The following IQSEC1 variants were observed in gnomAD, a reference collection of about 807,000 sequenced individuals.
IQSEC1 encodes the protein IQ motif and Sec7 domain ArfGEF 1.
Under a neutral mutation model 91.0 loss-of-function variants are expected in IQSEC1, and 31 were observed. The ratio of observed to expected loss-of-function variants is 0.34; its 90% CI spans 0.26 to 0.46. The LOEUF (loss-of-function observed/expected upper bound fraction) is 0.46. Ranked by LOEUF, IQSEC1 falls within the 20% of genes least tolerant of loss-of-function variation. The pLI is 1.00. For synonymous variants in IQSEC1, 699 were observed against 662.6 expected (o/e 1.05, Z -0.84); for missense variants, 1,388 against 1,575.6 (o/e 0.88, Z 2.02).
At chr3:12,953,724 C>T (rs975951404) in intron 1 of IQSEC1, among the ~76,000 whole-genome samples, 15 of 152,284 alleles carry the variant, frequency 9.9e-5, no homozygotes, top group East Asian at 5.8e-4. Context: ...CCTCTGGTCC[C>T]GAATGCTCTG....
At position 12,967,443 on chromosome 3, in the gene IQSEC1, G is replaced by C; in HGVS notation, c.24-25578C>G. On this transcript the variant is annotated intron_variant, in intron 1 of 13. Coordinates refer to ENST00000613206, the MANE Select transcript of IQSEC1 (RefSeq NM_001134382.3). This position sits in a 1 kb window ranked among gnomAD's most constrained non-coding sequence, Gnocchi z 5.9. The stretch of plus-strand genomic sequence containing the variant: ...GGGTCCTCTCCGAGTTGCAGTGCAG[G>C]CACCACATGGCGGCCGCAGTGGGAG... 1 of 1,522,474 alleles carries C rather than the reference G, an allele frequency of 6.6e-7. No individual in the cohort carries two copies. Among genetic ancestry groups the C allele is most frequent in the Non-Finnish European group, 8.8e-7 (1 of 1,140,050 alleles). 94.3% of individuals were successfully genotyped at this position (1,522,474 alleles called of 1,614,324 possible).
intron 1 of IQSEC1, among the ~76,000 whole-genome samples, chr3:13,256,833 C>T (rs1003218836): frequency 6.6e-6 from 1 of 152,062 alleles, no homozygotes; most frequent in African/African-American, 2.4e-5. Context: ...TGGAGGAGAG[C>T]AGAGGGAGAG....
chr3:13,026,796 G>A (rs1703628788), intron 1 of IQSEC1, among the ~76,000 whole-genome samples: 1 of 151,378 alleles, frequency 6.6e-6, no homozygotes, highest in Admixed American at 6.6e-5. Context: ...ACATGAGCAG[G>A]TGAGGAGATC....
chr3:13,026,958 C>T (rs1703645162), intron 1 of IQSEC1, among the ~76,000 whole-genome samples: 1 of 150,232 alleles, frequency 6.7e-6, no homozygotes, highest in Non-Finnish European at 1.5e-5. Flanking sequence ...ATAAACCCAG[C>T]TCTGCCTATC....
intron 2 of IQSEC1, among the ~76,000 whole-genome samples, chr3:13,122,857 G>C (rs1202463134): frequency 6.6e-6 from 1 of 152,176 alleles, no homozygotes; most frequent in East Asian, 1.9e-4. Context: ...CAGCGTCCCT[G>C]TACCCTGCCA....
intron 2 of IQSEC1, among the ~76,000 whole-genome samples, chr3:13,078,711 T>C (rs1394648365): frequency 1.3e-5 from 2 of 152,146 alleles, no homozygotes; most frequent in East Asian, 3.9e-4. Context: ...GTTGCAGTTG[T>C]TTTAGAGCCA....
At chr3:12,961,103 G>A (rs1174535794) in intron 1 of IQSEC1, among the ~76,000 whole-genome samples, 2 of 152,242 alleles carry the variant, frequency 1.3e-5, no homozygotes, top group East Asian at 1.9e-4. Context: ...AGGGACTGAA[G>A]GCCACTGCCC....
chr3:12,933,416 C>T (rs757989967), intron 3 of IQSEC1, among the ~76,000 whole-genome samples: 14 of 152,260 alleles, frequency 9.2e-5, no homozygotes, highest in Admixed American at 3.9e-4. Flanking sequence ...TAGAGCCCAG[C>T]GATACCCTCA....
rs1412465233 is a variant in IQSEC1 at position 13,154,453 on chromosome 3, A to C, written c.302+9651T>G. Among the ~76,000 whole-genome samples the C allele has an allele frequency of 6.1e-4, 66 of 107,718 alleles. 10 individuals carry two copies. The highest frequency in any genetic ancestry group is 2.3e-3 in the African/African-American group (65 of 28,664). The allele number at this position is 107,718 out of a possible 152,430, so 70.7% of individuals were successfully genotyped here. Reference sequence around the variant, plus strand: ...AACTTACATGCATATATATATATATATATATATATATATATATATATATGC... The same window carrying C: ...AACTTACATGCATATATATATATATCTATATATATATATATATATATATGC... On this transcript the variant is annotated intron_variant, in intron 2 of 15. Coordinates refer to the IQSEC1 transcript ENST00000648114.
rs552502231 is a variant in IQSEC1 at position 13,171,107 on chromosome 3, C to CA, written c.273-6975dup. Among the ~76,000 whole-genome samples, 283 of 149,078 alleles carry CA rather than the reference C, an allele frequency of 1.9e-3. 2 individuals carry two copies. Among genetic ancestry groups the CA allele is most frequent in the Middle Eastern group, 0.014 (4 of 292 alleles). On this transcript the variant is annotated intron_variant, in intron 1 of 15. Transcript: ENST00000648114. ...CAGCAAGACTCCATCTCAAAAAAAA[C>CA]AAAAAAAACAAAAAAAGAAAGCCTT...
intron 1 of IQSEC1, among the ~76,000 whole-genome samples, chr3:13,192,878 G>C (rs905981851): frequency 1.3e-5 from 2 of 152,256 alleles, no homozygotes; most frequent in African/African-American, 4.8e-5. Flanking sequence ...TCACCTTGAG[G>C]GGGAGCATTT....
chr3:13,236,529 C>T (rs1411802363), intron 1 of IQSEC1, among the ~76,000 whole-genome samples: 2 of 152,192 alleles, frequency 1.3e-5, no homozygotes, highest in East Asian at 1.9e-4. Context: ...GGTGCAGTGA[C>T]GAGAGGCTCA....
At chr3:13,063,788 G>A (rs1409536235) in intron 1 of IQSEC1, among the ~76,000 whole-genome samples, 2 of 152,172 alleles carry the variant, frequency 1.3e-5, no homozygotes, top group African/African-American at 4.8e-5. Context: ...CAGCCTTGGA[G>A]AGAAGGGCCC....
chr3:12,923,589 G>A (rs961932544), intron 4 of IQSEC1, among the ~76,000 whole-genome samples: 4 of 152,236 alleles, frequency 2.6e-5, no homozygotes, highest in Admixed American at 6.5e-5. Flanking sequence ...GTGAGTCTGC[G>A]TGTGTGGGGA....
chr3:12,899,270 C>T lies in IQSEC1; in HGVS notation c.*1713G>A. ...CTCCTCCTGCCGTCCGGCCACGGCT[C>T]ACCACGCTGTCCACTGGGAACGCGG... is the stretch of plus-strand genomic sequence containing the variant. On this transcript the variant is annotated 3_prime_UTR_variant, in exon 14 of 14. Transcript: ENST00000613206. The T allele has an allele frequency of 8.7e-7, 1 of 1,147,992 alleles. No homozygotes were observed. Among genetic ancestry groups the T allele is most frequent in the Admixed American group, 2.3e-5 (1 of 44,358 alleles). 71.1% of individuals were successfully genotyped at this position (1,147,992 alleles called of 1,614,324 possible). A position where few individuals can be genotyped will look rare whatever the true frequency, so the allele number is the denominator to read the frequency against.
chr3:13,022,275 C>T, intron 1 of IQSEC1: 4 of 1,219,596 alleles, frequency 3.3e-6, no homozygotes, highest in Non-Finnish European at 4.1e-6. Context: ...GAGGCACTGG[C>T]TGCCACAGGC....
At chr3:13,172,280 T>C (rs973656366) in intron 1 of IQSEC1, among the ~76,000 whole-genome samples, 1 of 152,116 alleles carries the variant, frequency 6.6e-6, no homozygotes, top group Non-Finnish European at 1.5e-5. Context: ...GATGGAACCA[T>C]GGCCAGGGGT....
chr3:12,937,196 G>C (rs1450836308), intron 2 of IQSEC1, among the ~76,000 whole-genome samples: 1 of 152,200 alleles, frequency 6.6e-6, no homozygotes, highest in Non-Finnish European at 1.5e-5. Flanking sequence ...CCCTCCCAAA[G>C]TGCTGGGATT....
chr3:13,080,701 C>T (rs1186309016), intron 2 of IQSEC1, among the ~76,000 whole-genome samples: 1 of 152,152 alleles, frequency 6.6e-6, no homozygotes, highest in Non-Finnish European at 1.5e-5. Context: ...ACGGCCACTT[C>T]CCTGGGCAAG....
Sources: allele counts gnomAD v4.1 joint callset (sites outside exome capture counted in the v4.1 genomes callset), GRCh38; gene constraint gnomAD v4.1.1; non-coding constraint Gnocchi (gnomAD v3.1); transcripts MANE v1.5; gene names NCBI Gene and HGNC (gene_info 2026-07-23, HGNC 2026-07-21).